RANBP2: variants seen among roughly 807,000 people sequenced by gnomAD.
RANBP2 encodes the protein E3 SUMO-protein ligase RanBP2.
RANBP2 carries 57 observed loss-of-function variants against 303.6 expected under a neutral mutation model. That is an observed-to-expected ratio of 0.19 (90% CI 0.15 to 0.23). The LOEUF (loss-of-function observed/expected upper bound fraction) is 0.23, where lower values mean the gene tolerates loss of function less well. Ranked by LOEUF, RANBP2 falls within the 10% of genes least tolerant of loss-of-function variation. The pLI, the probability that RANBP2 is intolerant of heterozygous loss-of-function variation, is 1.00. For synonymous variants in RANBP2, 1,167 were observed against 1,301.5 expected (o/e 0.90, Z 2.23); for missense variants, 3,138 against 3,780.8 (o/e 0.83, Z 4.46).
At chr2:109,274,876 T>C in the RANBP2 span, among the ~76,000 whole-genome samples, 3 of 150,544 alleles carry the variant, frequency 2.0e-5, no homozygotes, top group South Asian at 2.1e-4. Flanking sequence ...CCCCACCATA[T>C]AAAAATGTTC....
the RANBP2 span, among the ~76,000 whole-genome samples, chr2:108,872,463 C>T: frequency 7.9e-5 from 12 of 152,268 alleles, no homozygotes; most frequent in East Asian, 2.3e-3. Context: ...AGGCACATAA[C>T]CATTGTCTCC....
chr2:108,803,605 A>G, the RANBP2 span, among the ~76,000 whole-genome samples: 2 of 152,152 alleles, frequency 1.3e-5, no homozygotes, highest in African/African-American at 4.8e-5. Flanking sequence ...GTGCCCAGCT[A>G]GTGGAAGTTT....
chr2:108,780,175 C>CT (rs369949318), intron 25 of RANBP2, among the ~76,000 whole-genome samples: 3,289 of 140,416 alleles, frequency 0.023, 140 homozygotes, highest in African/African-American at 0.081. Context: ...AATTTACTAG[C>CT]TTTTTTTTTT....
chr2:109,531,133 C>G, the RANBP2 span, among the ~76,000 whole-genome samples: 2 of 152,164 alleles, frequency 1.3e-5, no homozygotes, highest in African/African-American at 4.8e-5. Context: ...CAGGCTAGCC[C>G]TTCACCCAGG....
the RANBP2 span, among the ~76,000 whole-genome samples, chr2:109,076,762 C>T: frequency 1.9e-4 from 28 of 150,420 alleles, 1 homozygote; most frequent in East Asian, 2.5e-3. Flanking sequence ...AGAAATGGAA[C>T]GATATCTCAT....
intron 7 of RANBP2, among the ~76,000 whole-genome samples, chr2:108,741,075 A>T (rs1696038722): frequency 6.6e-6 from 1 of 152,224 alleles, no homozygotes; most frequent in African/African-American, 2.4e-5. Flanking sequence ...AGCCTATGAT[A>T]GAAGAATATG....
the RANBP2 span, among the ~76,000 whole-genome samples, chr2:109,451,016 C>T: frequency 6.6e-6 from 1 of 152,352 alleles, no homozygotes; most frequent in Non-Finnish European, 1.5e-5. Flanking sequence ...TGGAGGCAGG[C>T]CCTGCTCCCC....
At chr2:109,672,918 A>G in the RANBP2 span, among the ~76,000 whole-genome samples, 1 of 152,230 alleles carries the variant, frequency 6.6e-6, no homozygotes, top group Non-Finnish European at 1.5e-5. Context: ...AAATTTGAAT[A>G]CTGCTAAACC....
the RANBP2 span, among the ~76,000 whole-genome samples, chr2:109,157,009 T>G: frequency 5.3e-5 from 8 of 152,372 alleles, no homozygotes; most frequent in South Asian, 1.7e-3. Context: ...AATGACATAT[T>G]ACTCCAGGTC....
the RANBP2 span, among the ~76,000 whole-genome samples, chr2:109,180,644 C>G: frequency 2.6e-5 from 4 of 152,238 alleles, no homozygotes; most frequent in East Asian, 5.8e-4. Context: ...AGGAGAAACC[C>G]TTTTTGCTTG....
At chr2:109,354,722 C>T in the RANBP2 span, among the ~76,000 whole-genome samples, 3 of 152,254 alleles carry the variant, frequency 2.0e-5, no homozygotes, top group Non-Finnish European at 2.9e-5. Context: ...GGAAGGCGAG[C>T]GTCGGCACCC....
At chr2:109,525,881 T>C in the RANBP2 span, among the ~76,000 whole-genome samples, 1 of 152,170 alleles carries the variant, frequency 6.6e-6, no homozygotes, top group African/African-American at 2.4e-5. Flanking sequence ...ACCATTGTCA[T>C]TGGAAGCAGA....
At chr2:109,403,011 G>A in the RANBP2 span, among the ~76,000 whole-genome samples, 1 of 152,198 alleles carries the variant, frequency 6.6e-6, no homozygotes, top group Non-Finnish European at 1.5e-5. Context: ...TGGGTGGGGG[G>A]ATGTGGATGA....
At chr2:109,432,377 C>T in the RANBP2 span, 2 of 1,235,790 alleles carry the variant, frequency 1.6e-6, no homozygotes, top group Non-Finnish European at 2.3e-6. Flanking sequence ...GCAGAGCCCC[C>T]ATAGACTCTA....
At chr2:108,842,098 G>C in the RANBP2 span, among the ~76,000 whole-genome samples, 1 of 152,084 alleles carries the variant, frequency 6.6e-6, no homozygotes, top group Admixed American at 6.6e-5. Flanking sequence ...GATGATCATA[G>C]ATCACTGCAG....
the RANBP2 span, among the ~76,000 whole-genome samples, chr2:109,433,310 C>A: frequency 4.6e-5 from 7 of 152,328 alleles, no homozygotes. Context: ...TGAGTGGTCG[C>A]ATTGTGGTAA....
At chr2:109,044,529 T>A in the RANBP2 span, among the ~76,000 whole-genome samples, 5 of 151,372 alleles carry the variant, frequency 3.3e-5, no homozygotes, top group Non-Finnish European at 7.4e-5. Flanking sequence ...TCGCAAAAAA[T>A]AAATAAATAA....
the RANBP2 span, among the ~76,000 whole-genome samples, chr2:109,018,037 T>C: frequency 6.6e-6 from 1 of 152,188 alleles, no homozygotes; most frequent in Middle Eastern, 3.2e-3. Flanking sequence ...GTTTCATTAA[T>C]TGGCAGTAAT....
At chr2:109,680,749 T>C in the RANBP2 span, among the ~76,000 whole-genome samples, 1 of 152,176 alleles carries the variant, frequency 6.6e-6, no homozygotes, top group Non-Finnish European at 1.5e-5. Context: ...TGTTTCTTTT[T>C]CAAGTGATTA....
Sources: gnomAD v4.1 joint callset for allele counts (sites outside exome capture counted in the v4.1 genomes callset) on GRCh38, gnomAD v4.1.1 for gene constraint, MANE v1.5 for transcripts, NCBI Gene and HGNC (gene_info 2026-07-23, HGNC 2026-07-21) for gene names.